Variants in ACACB observed in about 807,000 individuals in gnomAD.
ACACB encodes acetyl-CoA carboxylase beta.
A neutral mutation model predicts 278.8 loss-of-function variants in ACACB; 209 were observed. That is an observed-to-expected ratio of 0.75 (90% CI 0.67 to 0.84). The LOEUF (loss-of-function observed/expected upper bound fraction) is 0.84, where lower values mean the gene tolerates loss of function less well. Ranked by LOEUF, ACACB falls within the 40% of genes least tolerant of loss-of-function variation. ACACB has a pLI of 0.00. For synonymous variants in ACACB, 1,174 were observed against 1,285.6 expected, an observed-to-expected ratio of 0.91 and a Z score of 1.86; for missense variants, 2,850 against 3,269.0, an observed-to-expected ratio of 0.87 and a Z score of 3.13.
In ACACB at chr12:109,140,006, C is replaced by A; in HGVS notation, c.601C>A (p.Leu201Met). 1 of 1,610,926 alleles carries A rather than the reference C, an allele frequency of 6.2e-7. No homozygotes were observed. The highest frequency in any genetic ancestry group is 1.3e-5 in the African/African-American group (1 of 75,050). The change falls in exon 2 of 53, where the codon CTG becomes ATG. Residue 201 changes from leucine (L) to methionine (M), a missense_variant. Physicochemically the swap from Leu to Met is conservative, Grantham distance 15. Transcript: ENST00000338432. ...GSRASLGALS[L>M]EAYLTTGEAE... ...CCGGGCCAGCTTGGGGGCCCTGTCCCTGGAGGCTTATCTGACCACAGGTGA... is the reference window on the plus strand; with the variant it reads ...CCGGGCCAGCTTGGGGGCCCTGTCCATGGAGGCTTATCTGACCACAGGTGA...
At chr12:109,233,500 ATCCTTCCCTGTAT>A (rs2046539141) in intron 29 of ACACB, among the ~76,000 whole-genome samples, 2 of 152,188 alleles carry the variant, frequency 1.3e-5, no homozygotes, top group South Asian at 4.1e-4. Flanking sequence ...AAGCGCTGGA[ATCCTTCCCTGTAT>A]TCCTGATCAC....
At chr12:109,210,527 ATGTGTATATATACG>A (rs2045804603) in intron 21 of ACACB, among the ~76,000 whole-genome samples, 1 of 148,772 alleles carries the variant, frequency 6.7e-6, no homozygotes, top group South Asian at 2.1e-4. Context: ...ACATGTGTAT[ATGTGTATATATACG>A]TGCATGTATA....
At chr12:109,212,328 C>T (rs962751535) in intron 21 of ACACB, among the ~76,000 whole-genome samples, 5 of 151,902 alleles carry the variant, frequency 3.3e-5, no homozygotes, top group Non-Finnish European at 7.4e-5. Flanking sequence ...GGGATGGTTT[C>T]GGGATGATTC....
rs189091345 is a variant in ACACB, at chr12:109,124,491, T to G, written c.-10+7787T>G. Among the ~76,000 whole-genome samples the G allele has an allele frequency of 4.3e-3, 662 of 152,364 alleles. 6 individuals carry two copies. The highest frequency in any genetic ancestry group is 7.0e-3 in the Non-Finnish European group (476 of 68,040). Reference sequence around the variant, plus strand: ...TTGCATCACGTCAAGAACATAAAGTTCAGTTACCCCACTTTTAGTGATTTT... The same window carrying G: ...TTGCATCACGTCAAGAACATAAAGTGCAGTTACCCCACTTTTAGTGATTTT... On this transcript the variant is annotated intron_variant, in intron 1 of 52. Coordinates refer to ENST00000338432, the MANE Select transcript of ACACB (RefSeq NM_001093.4).
intron 10 of ACACB, chr12:109,179,511 G>C: frequency 1.6e-6 from 1 of 619,012 alleles, no homozygotes; most frequent in Non-Finnish European, 2.8e-6. Context: ...TTTTGAGACA[G>C]AGTCTCACTG....
rs201520813 is a variant in ACACB, at chr12:109,188,056, G to A, written c.2038G>A (p.Val680Met). 9.9e-6 allele frequency: 16 copies of A among 1,613,722 alleles called. No individual in the cohort carries two copies. The highest frequency in any genetic ancestry group is 8.3e-5 in the Admixed American group (5 of 60,020). Reference sequence around the variant, plus strand: ...ACTGAATTTCCGGAGCAGCAAGAACGTGTGGGGTTACTTCAGCGTGGCCGC... The same window carrying A: ...ACTGAATTTCCGGAGCAGCAAGAACATGTGGGGTTACTTCAGCGTGGCCGC... ...QELNFRSSKN[V>M]WGYFSVAATG... Residue 680 changes from valine (V) to methionine (M), a missense_variant, in exon 13 of 53, where the codon GTG becomes ATG. Physicochemically the swap from Val to Met is conservative, Grantham distance 21. Coordinates refer to ENST00000338432, the MANE Select transcript of ACACB (RefSeq NM_001093.4).
At chr12:109,119,861 C>G (rs2042499758) in intron 1 of ACACB, among the ~76,000 whole-genome samples, 1 of 151,926 alleles carries the variant, frequency 6.6e-6, no homozygotes, top group Non-Finnish European at 1.5e-5. Flanking sequence ...CGCCACTGCA[C>G]TCTAGCCTGG....
chr12:109,158,149 T>A (rs2043603344), intron 2 of ACACB, among the ~76,000 whole-genome samples: 1 of 152,130 alleles, frequency 6.6e-6, no homozygotes. Context: ...TAGCTTGGGG[T>A]CAGCAGACTG....
intron 3 of ACACB, 146 bp from the exon 4 acceptor site, chr12:109,167,750 A>G: frequency 8.1e-7 from 1 of 1,234,244 alleles, no homozygotes; most frequent in East Asian, 2.7e-5. Flanking sequence ...GGTGTGTGCC[A>G]TGGAAATACA....
intron 2 of ACACB, among the ~76,000 whole-genome samples, chr12:109,165,946 C>T (rs1215096900): frequency 2.0e-5 from 3 of 152,046 alleles, no homozygotes; most frequent in Non-Finnish European, 4.4e-5. Flanking sequence ...GAGCAGGAAA[C>T]CTGTTTTGTT....
intron 6 of ACACB, among the ~76,000 whole-genome samples, chr12:109,172,969 A>G (rs975282688): frequency 1.3e-5 from 2 of 152,218 alleles, no homozygotes; most frequent in Non-Finnish European, 2.9e-5. Flanking sequence ...CATATACACC[A>G]TGGAATACTA....
At chr12:109,198,772 T>C (rs1439845526) in intron 17 of ACACB, among the ~76,000 whole-genome samples, 1 of 151,930 alleles carries the variant, frequency 6.6e-6, no homozygotes, top group Non-Finnish European at 1.5e-5. Flanking sequence ...TGGCATATGC[T>C]ACCACGCCCA....
intron 16 of ACACB, among the ~76,000 whole-genome samples, chr12:109,194,848 GT>G (rs2045058269): frequency 6.6e-6 from 1 of 152,178 alleles, no homozygotes; most frequent in African/African-American, 2.4e-5. Flanking sequence ...CCTATAGAAT[GT>G]GAGCTGGGCC....
At chr12:109,126,096 A>G (rs1329942312) in intron 1 of ACACB, among the ~76,000 whole-genome samples, 1 of 152,212 alleles carries the variant, frequency 6.6e-6, no homozygotes, top group African/African-American at 2.4e-5. Context: ...GAATGGCTGA[A>G]GAAGGCAAAT....
chr12:109,122,956 C>T (rs1410209470), intron 1 of ACACB, among the ~76,000 whole-genome samples: 2 of 151,838 alleles, frequency 1.3e-5, no homozygotes, highest in Non-Finnish European at 2.9e-5. Context: ...CCAAAGTGGG[C>T]GGATCACGAG....
chr12:109,207,329 T>C (rs1392603836), intron 20 of ACACB, among the ~76,000 whole-genome samples: 1 of 152,214 alleles, frequency 6.6e-6, no homozygotes, highest in Non-Finnish European at 1.5e-5. Context: ...CCTGACTTTT[T>C]CTCCTTGATC....
intron 31 of ACACB, among the ~76,000 whole-genome samples, chr12:109,234,792 G>A (rs979323384): frequency 3.3e-5 from 5 of 151,414 alleles, no homozygotes; most frequent in African/African-American, 4.9e-5. Flanking sequence ...GCACACCGGG[G>A]CCTGTCGGGG....
chr12:109,222,660 C>A, intron 25 of ACACB, 40 bp downstream of exon 25: 1 of 1,570,888 alleles, frequency 6.4e-7, no homozygotes, highest in African/African-American at 1.4e-5. Context: ...GTGCGTTTCC[C>A]CCCACCCTCC....
chr12:109,253,007 C>G lies in ACACB; in HGVS notation c.5902-8C>G, dbSNP rs2047136247. The G allele has an allele frequency of 6.3e-7, 1 of 1,597,264 alleles. No homozygotes were observed. Among genetic ancestry groups the G allele is most frequent in the Admixed American group, 1.7e-5 (1 of 58,804 alleles). ...CAGGACATTGCTAACCATGTTGTGTCAAAGCAGGTCCTGGGAAGAGAGGTC... is the reference window on the plus strand; with the variant it reads ...CAGGACATTGCTAACCATGTTGTGTGAAAGCAGGTCCTGGGAAGAGAGGTC... On this transcript the variant is annotated splice_polypyrimidine_tract_variant and splice_region_variant and intron_variant, in intron 42 of 52. Transcript: ENST00000338432.
Sources: gnomAD v4.1 joint callset for allele counts (sites outside exome capture counted in the v4.1 genomes callset) on GRCh38, gnomAD v4.1.1 for gene constraint, MANE v1.5 for transcripts, NCBI Gene and HGNC (gene_info 2026-07-23, HGNC 2026-07-21) for gene names.